The following GLIS3 variants were observed in gnomAD, a reference collection of about 807,000 sequenced individuals.
GLIS3 encodes the protein zinc finger protein GLIS3.
A neutral mutation model predicts 78.6 loss-of-function variants in GLIS3; 53 were observed. The ratio of observed to expected loss-of-function variants is 0.67; its 90% confidence interval spans 0.54 to 0.85. The LOEUF (loss-of-function observed/expected upper bound fraction) is 0.85. Among genes scored for constraint, GLIS3 ranks in the 40% least tolerant of loss-of-function variants. The pLI is 0.00. For synonymous variants in GLIS3, 684 were observed against 509.9 expected (o/e 1.34, Z -4.60); for missense variants, 1,703 against 1,231.1 (o/e 1.38, Z -5.74).
At chr9:4,446,928 T>C in the GLIS3 span, among the ~76,000 whole-genome samples, 1 of 152,138 alleles carries the variant, frequency 6.6e-6, no homozygotes, top group East Asian at 1.9e-4. Context: ...GAATGGCTTG[T>C]GGTTCAACAA....
chr9:4,377,168 G>A, the GLIS3 span, among the ~76,000 whole-genome samples: 3 of 135,136 alleles, frequency 2.2e-5, no homozygotes, highest in South Asian at 8.5e-4. Context: ...GTTGCCAGAG[G>A]AGACTGACAT....
intron 2 of GLIS3, among the ~76,000 whole-genome samples, chr9:4,266,341 C>T (rs1826004551): frequency 6.6e-6 from 1 of 152,068 alleles, no homozygotes; most frequent in South Asian, 2.1e-4. Flanking sequence ...GATGAAGTGC[C>T]TCCAATGGAC....
At chr9:4,417,193 G>C in the GLIS3 span, among the ~76,000 whole-genome samples, 1 of 152,124 alleles carries the variant, frequency 6.6e-6, no homozygotes, top group Non-Finnish European at 1.5e-5. Flanking sequence ...TTTATATAGT[G>C]ATTTGTGGAC....
chr9:3,883,329 C>A (rs972144910), intron 7 of GLIS3, among the ~76,000 whole-genome samples: 1 of 152,208 alleles, frequency 6.6e-6, no homozygotes, highest in Non-Finnish European at 1.5e-5. Context: ...ACCTACTCTG[C>A]ACCAGGCAGG....
intron 4 of GLIS3, among the ~76,000 whole-genome samples, chr9:4,015,209 G>A (rs768161598): frequency 5.3e-5 from 8 of 152,188 alleles, no homozygotes; most frequent in African/African-American, 1.2e-4. Context: ...ATGGAAGGCC[G>A]TGTGTGCAGG....
chr9:4,236,947 G>A (rs971109823), intron 2 of GLIS3, among the ~76,000 whole-genome samples: 3 of 151,932 alleles, frequency 2.0e-5, no homozygotes, highest in Non-Finnish European at 2.9e-5. Context: ...GCTCAGCATC[G>A]TCTCAGGTGA....
intron 4 of GLIS3, among the ~76,000 whole-genome samples, chr9:4,060,223 C>T (rs1218350773): frequency 6.6e-6 from 1 of 152,202 alleles, no homozygotes; most frequent in African/African-American, 2.4e-5. Flanking sequence ...CTCAGTTCTT[C>T]AAGACTAACT....
rs1441654863 is a variant in GLIS3, at chr9:4,321,379, G to A, written n.265-10851C>T. Among the ~76,000 whole-genome samples the A allele has an allele frequency of 1.8e-4, 19 of 107,892 alleles. 2 individuals carry two copies. Among genetic ancestry groups the A allele is most frequent in the Admixed American group, 5.9e-4 (5 of 8,418 alleles). The allele number at this position is 107,892 out of a possible 152,430, so 70.8% of individuals were successfully genotyped here. On this transcript the variant is annotated intron_variant and non_coding_transcript_variant, in intron 2 of 4. Transcript: ENST00000471664. Reference sequence around the variant, plus strand: ...GGAGCTTGCAGGGAGCCGAGATGGCGCCACTGCACTCCAGCCTGGGCCACA... The same window carrying A: ...GGAGCTTGCAGGGAGCCGAGATGGCACCACTGCACTCCAGCCTGGGCCACA...
the GLIS3 span, among the ~76,000 whole-genome samples, chr9:4,424,046 C>A: frequency 5.9e-5 from 9 of 152,162 alleles, no homozygotes; most frequent in African/African-American, 1.7e-4. Flanking sequence ...TAGAAATATT[C>A]CCTAAAATCA....
At chr9:3,829,276 A>T in intron 10 of GLIS3, 34 bp downstream of exon 10, 2 of 1,603,772 alleles carry the variant, frequency 1.2e-6, no homozygotes, top group South Asian at 2.2e-5. Context: ...CTGTCAGTTG[A>T]CAGGATTTTC....
At position 4,118,177 on chromosome 9, in the gene GLIS3, T is replaced by C; in HGVS notation, c.1301A>G (p.Glu434Gly). 1 of 1,572,170 alleles carries C rather than the reference T, an allele frequency of 6.4e-7. No individual in the cohort carries two copies. The highest frequency in any genetic ancestry group is 1.8e-4 in the Middle Eastern group (1 of 5,640). ...GTCTACGGTGCTGCCCGGGAACTCC[T>C]CCAGGCGTTCGGTCTTGAACAGGCC... ...SAGLFKTERL[E>G]EFPGSTVDLP... The change falls in exon 4 of 11, where the codon GAG (glutamate) becomes GGG (glycine). Residue 434 changes from glutamate (E) to glycine (G), a missense_variant. Physicochemically the swap from Glu to Gly is moderately conservative, Grantham distance 98. Transcript: ENST00000381971. This position sits in a 1 kb window ranked among gnomAD's most constrained non-coding sequence, Gnocchi z 4.7.
intron 2 of GLIS3, among the ~76,000 whole-genome samples, chr9:4,247,588 G>C (rs1289366442): frequency 6.6e-6 from 1 of 151,866 alleles, no homozygotes; most frequent in African/African-American, 2.4e-5. Context: ...ATTAAAATCA[G>C]GGACAAGAAT....
At chr9:4,280,210 G>A (rs1827419972) in intron 2 of GLIS3, among the ~76,000 whole-genome samples, 1 of 152,174 alleles carries the variant, frequency 6.6e-6, no homozygotes, top group Admixed American at 6.5e-5. Context: ...TGTAGAGAGA[G>A]AGGGGTCTCA....
chr9:4,159,399 A>G (rs5027090), intron 2 of GLIS3, among the ~76,000 whole-genome samples: 43,296 of 152,132 alleles, frequency 0.28, 6,238 homozygotes, highest in South Asian at 0.36. Context: ...TGGAGAAGGT[A>G]CTTATAGTTA....
the GLIS3 span, among the ~76,000 whole-genome samples, chr9:4,375,427 T>G: frequency 6.6e-6 from 1 of 152,210 alleles, no homozygotes; most frequent in African/African-American, 2.4e-5. Context: ...GAAAACAATT[T>G]GCGACTGTTT....
intron 4 of GLIS3, among the ~76,000 whole-genome samples, chr9:4,032,322 C>T (rs1173563764): frequency 6.6e-6 from 1 of 152,046 alleles, no homozygotes; most frequent in Admixed American, 6.5e-5. Context: ...AATCTGCATT[C>T]CAGCTAGGAA....
intron 4 of GLIS3, among the ~76,000 whole-genome samples, chr9:4,015,836 C>A (rs866095950): frequency 4.9e-4 from 68 of 138,742 alleles, no homozygotes; most frequent in African/African-American, 1.8e-3. Context: ...TTGCAGTGAG[C>A]TGAGATCACG....
At chr9:4,028,457 G>A (rs1360527326) in intron 4 of GLIS3, among the ~76,000 whole-genome samples, 1 of 152,132 alleles carries the variant, frequency 6.6e-6, no homozygotes, top group Non-Finnish European at 1.5e-5. Flanking sequence ...ACACTGAGAA[G>A]GAAATAGGGC....
the GLIS3 span, among the ~76,000 whole-genome samples, chr9:4,467,172 G>A: frequency 2.0e-5 from 3 of 152,224 alleles, no homozygotes; most frequent in Middle Eastern, 3.2e-3. Context: ...GCTCAAGGAG[G>A]CCTGCCTGCC....
Sources: gnomAD v4.1 joint callset for allele counts (sites outside exome capture counted in the v4.1 genomes callset) on GRCh38, gnomAD v4.1.1 for gene constraint, Gnocchi (gnomAD v3.1) non-coding constraint, MANE v1.5 for transcripts, NCBI Gene and HGNC (gene_info 2026-07-23, HGNC 2026-07-21) for gene names.